Variants in FOXA1 observed in about 807,000 individuals in gnomAD.
FOXA1 encodes forkhead box A1.
A neutral mutation model predicts 29.2 loss-of-function variants in FOXA1; 9 were observed. The ratio of observed to expected loss-of-function variants is 0.31; its 90% CI spans 0.19 to 0.54. The LOEUF (loss-of-function observed/expected upper bound fraction) is 0.54, where lower values mean the gene tolerates loss of function less well. Ranked by LOEUF, FOXA1 falls within the 20% of genes least tolerant of loss-of-function variation. The probability of loss-of-function intolerance (pLI) is 0.95; values close to 1 mark genes in which losing one functional copy is unlikely to be tolerated. For missense variants in FOXA1, 644 were observed against 681.2 expected (o/e 0.95, Z 0.61); for synonymous variants, 340 against 300.9 (o/e 1.13, Z -1.34).
Position 37,592,667 on chromosome 14 carries a change from G to T in FOXA1, c.117C>A (p.Gly39=). Residue 39 remains glycine, a synonymous_variant, in exon 2 of 2, where the codon GGC becomes GGA. Transcript: ENST00000250448. The part of the protein sequence containing the change: ...VPVSNMNSGL[G]SMNSMNTYMT... Reference sequence around the variant, plus strand: ...TGTAGGTGTTCATGGAGTTCATGGAGCCCAGGCCTGAGTTCATGTTGCTGA... The same window carrying T: ...TGTAGGTGTTCATGGAGTTCATGGATCCCAGGCCTGAGTTCATGTTGCTGA... 6.2e-7 allele frequency: 1 copy of T among 1,614,118 alleles called. No individual in the cohort carries two copies. The highest frequency in any genetic ancestry group is 8.5e-7 in the Non-Finnish European group (1 of 1,180,044).
Position 37,595,057 on chromosome 14 carries a change from T to G in FOXA1, c.-85A>C, listed in dbSNP as rs1489304671. Reference sequence around the variant, plus strand: ...GCGGCGCGGGGCGGGGGAGGGGAGCTGAGCAGCTGCAGTCACCCGAGCGCC... The same window carrying G: ...GCGGCGCGGGGCGGGGGAGGGGAGCGGAGCAGCTGCAGTCACCCGAGCGCC... On this transcript the variant is annotated 5_prime_UTR_variant, in exon 1 of 2. Coordinates refer to ENST00000250448, the MANE Select transcript of FOXA1 (RefSeq NM_004496.5). The G allele has an allele frequency of 7.7e-7, 1 of 1,290,708 alleles. No homozygotes were observed. The highest frequency in any genetic ancestry group is 1.1e-6 in the Non-Finnish European group (1 of 943,674). 80.0% of individuals were successfully genotyped at this position (1,290,708 alleles called of 1,614,324 possible).
rs576255034 is a variant in FOXA1 at position 37,592,816 on chromosome 14, T to C, written c.73-105A>G. ...AACCCGGGGGCAAGTGCAGAGCACTTTGCAGAACACGGGACGCCCCCACCC... is the reference window on the plus strand; with the variant it reads ...AACCCGGGGGCAAGTGCAGAGCACTCTGCAGAACACGGGACGCCCCCACCC... On this transcript the variant is annotated intron_variant, in intron 1 of 1. Transcript: ENST00000250448. 85 of 1,422,878 alleles carry C rather than the reference T, an allele frequency of 6.0e-5. No individual in the cohort carries two copies. In the African/African-American group the frequency reaches 1.1e-3, roughly 18 times the overall value. The allele number at this position is 1,422,878 out of a possible 1,614,324, so 88.1% of individuals were successfully genotyped here.
In FOXA1 at chr14:37,591,190, A is replaced by G. The variant is rs2095595057; in HGVS notation, c.*175T>C. The G allele has an allele frequency of 1.2e-6, 1 of 839,382 alleles. No homozygotes were observed. Among genetic ancestry groups the G allele is most frequent in the Non-Finnish European group, 1.9e-6 (1 of 537,732 alleles). 52.0% of individuals were successfully genotyped at this position (839,382 alleles called of 1,614,324 possible). ...CACAATGAATTTTGAATACAATAAT[A>G]AAGTAACAGTCTTTTGCACTGGGGG... On this transcript the variant is annotated 3_prime_UTR_variant, in exon 2 of 2. Transcript: ENST00000250448.
intron 1 of FOXA1, chr14:37,594,292 A>G: frequency 8.4e-7 from 1 of 1,192,830 alleles, no homozygotes; most frequent in Non-Finnish European, 1.1e-6. Context: ...CCAAGGGGAC[A>G]ATGAAGAGAA....
At position 37,591,935 on chromosome 14, in the gene FOXA1, C is replaced by CCCGCTT. The variant is rs773567107; in HGVS notation, c.843_848dup (p.Ser282_Gly283dup). 4.0e-6 allele frequency: 6 copies of CCCGCTT among 1,500,982 alleles called. No individual in the cohort carries two copies. The highest frequency in any genetic ancestry group is 2.7e-5 in the South Asian group (2 of 74,660). The allele number at this position is 1,500,982 out of a possible 1,614,324, so 93.0% of individuals were successfully genotyped here. A position where few individuals can be genotyped will look rare whatever the true frequency, so the allele number is the denominator to read the frequency against. ...CAGGGCCGCCCTTGGCGCCGCTGCC[C>CCCGCTT]CCGCTTCCGCTCCCGCCCCCGCCGC... On this transcript the variant is annotated inframe_insertion, in exon 2 of 2. Transcript: ENST00000250448.
In FOXA1 at chr14:37,591,725, G is replaced by C; in HGVS notation, c.1059C>G (p.Ala353=). 2 of 1,578,814 alleles carry C rather than the reference G, an allele frequency of 1.3e-6. No homozygotes were observed. The highest frequency in any genetic ancestry group is 1.7e-6 in the Non-Finnish European group (2 of 1,162,524). ...TGGASELKTP[A]SSTAPPISSG... ...AGCTTATGGGGGGCGCAGTTGAGGAGGCTGGAGTCTTCAACTCCGAGGCGC... is the reference window on the plus strand; with the variant it reads ...AGCTTATGGGGGGCGCAGTTGAGGACGCTGGAGTCTTCAACTCCGAGGCGC... Residue 353 remains alanine, a synonymous_variant, in exon 2 of 2, where the codon GCC becomes GCG. Coordinates refer to ENST00000250448, the MANE Select transcript of FOXA1 (RefSeq NM_004496.5).
intron 1 of FOXA1, chr14:37,593,741 T>A (rs2095598760): frequency 6.5e-6 from 1 of 153,608 alleles, no homozygotes. Context: ...GAGCTCCTTT[T>A]AAAATCATCA....
chr14:37,592,467 G>C lies in FOXA1; in HGVS notation c.317C>G (p.Thr106Arg), dbSNP rs1227651741. 6.2e-7 allele frequency: 1 copy of C among 1,606,214 alleles called. No individual in the cohort carries two copies. The highest frequency in any genetic ancestry group is 1.3e-5 in the African/African-American group (1 of 74,900). ...MTAAGVTAMG[T>R]ALSPSGMGAM... is the part of the protein sequence containing the mutation. ...GCCCATGCCGCTCGGGCTCAGCGCCGTACCCATGGCCGTCACGCCGGCCGC... is the reference window on the plus strand; with the variant it reads ...GCCCATGCCGCTCGGGCTCAGCGCCCTACCCATGGCCGTCACGCCGGCCGC... Residue 106 changes from threonine to arginine, a missense_variant, in exon 2 of 2, where the codon ACG (threonine) becomes AGG (arginine). Physicochemically the swap from Thr to Arg is moderately conservative, Grantham distance 71 (BLOSUM62 -1). Around this residue, in one of 5 missense-constraint regions of FOXA1, gnomAD observed 309 missense variants for 307.0 expected, o/e 1.01. Coordinates refer to ENST00000250448, the MANE Select transcript of FOXA1 (RefSeq NM_004496.5).
At position 37,595,142 on chromosome 14, in the gene FOXA1, CGCGGCG is replaced by C. The variant is rs546145599; in HGVS notation, c.-176_-171del. The C allele has an allele frequency of 7.3e-5, 13 of 178,510 alleles. No individual in the cohort carries two copies. Among genetic ancestry groups the C allele is most frequent in the Non-Finnish European group, 1.1e-4 (10 of 94,446 alleles). 11.1% of individuals were successfully genotyped at this position (178,510 alleles called of 1,614,324 possible). Reference sequence around the variant, plus strand: ...GCCCAGAGCTGCGGGGCGCGGCGTGCGCGGCGGCGGCGGCGGCGCGGCGGGCGGGGG... The same window carrying C: ...GCCCAGAGCTGCGGGGCGCGGCGTGCGCGGCGGCGGCGCGGCGGGCGGGGG... On this transcript the variant is annotated 5_prime_UTR_variant, in exon 1 of 2. Transcript: ENST00000250448.
Position 37,595,062 on chromosome 14 carries a change from A to C in FOXA1, c.-90T>G. On this transcript the variant is annotated 5_prime_UTR_variant, in exon 1 of 2. Transcript: ENST00000250448. ...GCGGGGCGGGGGAGGGGAGCTGAGC[A>C]GCTGCAGTCACCCGAGCGCCCGCGC... 2 of 1,220,506 alleles carry C rather than the reference A, an allele frequency of 1.6e-6. No individual in the cohort carries two copies. The allele number at this position is 1,220,506 out of a possible 1,614,324, so 75.6% of individuals were successfully genotyped here.
rs2095594213 is a variant in FOXA1 at position 37,589,969 on chromosome 14, AT to A, written c.*1395del. 1 of 232,218 alleles carries A rather than the reference AT, an allele frequency of 4.3e-6. No homozygotes were observed. Among genetic ancestry groups the A allele is most frequent in the Non-Finnish European group, 8.5e-6 (1 of 117,474 alleles). 14.4% of individuals were successfully genotyped at this position (232,218 alleles called of 1,614,324 possible). On this transcript the variant is annotated 3_prime_UTR_variant, in exon 2 of 2. Transcript: ENST00000250448. ...TTCGGATTTAGTTAAGTGAAAAAAAATAACAGAAATGCTCTTTTGTTAACAT... is the reference window on the plus strand; with the variant it reads ...TTCGGATTTAGTTAAGTGAAAAAAAAAACAGAAATGCTCTTTTGTTAACAT...
intron 1 of FOXA1, 63 bp from the exon 2 acceptor site, chr14:37,592,774 G>A: frequency 1.3e-6 from 2 of 1,595,656 alleles, no homozygotes; most frequent in South Asian, 1.1e-5. Flanking sequence ...GCACTGGAGG[G>A]CGGCCGTCCG....
chr14:37,594,803 C>A (rs2095600479), intron 1 of FOXA1, 98 bp downstream of exon 1: 1 of 992,464 alleles, frequency 1.0e-6, no homozygotes, highest in South Asian at 2.7e-5. Flanking sequence ...GCCCCCGGCC[C>A]GCCTGCCTGC....
At position 37,594,993 on chromosome 14, in the gene FOXA1, T is replaced by C; in HGVS notation, c.-21A>G. 1 of 1,530,070 alleles carries C rather than the reference T, an allele frequency of 6.5e-7. No individual in the cohort carries two copies. The highest frequency in any genetic ancestry group is 8.9e-7 in the Non-Finnish European group (1 of 1,125,852). The allele number at this position is 1,530,070 out of a possible 1,614,324, so 94.8% of individuals were successfully genotyped here. On this transcript the variant is annotated 5_prime_UTR_variant, in exon 1 of 2. Coordinates refer to ENST00000250448, the MANE Select transcript of FOXA1 (RefSeq NM_004496.5). ...AACATCCTGGAGCCACCCTGCCCAATACAACCATCCAGCCCTGTGCGAAGC... is the reference window on the plus strand; with the variant it reads ...AACATCCTGGAGCCACCCTGCCCAACACAACCATCCAGCCCTGTGCGAAGC...
chr14:37,592,840 C>A, intron 1 of FOXA1, 129 bp from the exon 2 acceptor site: 3 of 1,162,474 alleles, frequency 2.6e-6, no homozygotes, highest in Non-Finnish European at 3.8e-6. Flanking sequence ...ACGCCCCCAC[C>A]CGGGGCAAAT....
In FOXA1 at chr14:37,591,877, G is replaced by C. The variant is rs2139181117; in HGVS notation, c.907C>G (p.Pro303Ala). 1.4e-6 allele frequency: 2 copies of C among 1,454,808 alleles called. No homozygotes were observed. Among genetic ancestry groups the C allele is most frequent in the South Asian group, 1.5e-5 (1 of 68,570 alleles). 90.1% of individuals were successfully genotyped at this position (1,454,808 alleles called of 1,614,324 possible). A position where few individuals can be genotyped will look rare whatever the true frequency, so the allele number is the denominator to read the frequency against. Reference sequence around the variant, plus strand: ...CGATGGAGGGGCGAGTCGGCGCTGGGGTTAGAGGCGCCAGAGGGGTCCTTG... The same window carrying C: ...CGATGGAGGGGCGAGTCGGCGCTGGCGTTAGAGGCGCCAGAGGGGTCCTTG... ...SRKDPSGASN[P>A]SADSPLHRGV... Residue 303 changes from proline to alanine, a missense_variant, in exon 2 of 2, where the codon CCC becomes GCC. By Grantham distance (27) the Pro-to-Ala change is conservative. This residue lies in a region of FOXA1 where 295 missense variants were observed against 294.4 expected (regional missense o/e 1.00). Coordinates refer to ENST00000250448, the MANE Select transcript of FOXA1 (RefSeq NM_004496.5).
rs1159410516 is a variant in FOXA1 at position 37,591,790 on chromosome 14, G to A, written c.994C>T (p.Pro332Ser). Residue 332 changes from proline (P) to serine (S), a missense_variant, in exon 2 of 2, where the codon CCC becomes TCC. Pro to Ser is a moderately conservative substitution (Grantham distance 74). Coordinates refer to ENST00000250448, the MANE Select transcript of FOXA1 (RefSeq NM_004496.5). Reference protein sequence around the residue: ...GAPAPGPAASPQTLDHSGATA... With the variant: ...GAPAPGPAASSQTLDHSGATA... ...GCCCCACTGTGGTCCAGAGTCTGGG[G>A]GCTGGCGGCGGGCCCGGGGGCCGGC... 4.1e-6 allele frequency: 6 copies of A among 1,470,494 alleles called. No homozygotes were observed. Among genetic ancestry groups the A allele is most frequent in the Non-Finnish European group, 4.5e-6 (5 of 1,114,554 alleles). The allele number at this position is 1,470,494 out of a possible 1,614,324, so 91.1% of individuals were successfully genotyped here.
Position 37,590,630 on chromosome 14 carries a change from A to C in FOXA1, c.*735T>G. ...GTCAAGCAACTCTTGAGAATGTATC[A>C]TGTATATCACCTATCTATTACCTCT... On this transcript the variant is annotated 3_prime_UTR_variant, in exon 2 of 2. Coordinates refer to ENST00000250448, the MANE Select transcript of FOXA1 (RefSeq NM_004496.5). The C allele has an allele frequency of 4.4e-6, 1 of 227,390 alleles. No homozygotes were observed. The highest frequency in any genetic ancestry group is 8.7e-6 in the Non-Finnish European group (1 of 114,560). 14.1% of individuals were successfully genotyped at this position (227,390 alleles called of 1,614,324 possible).
Position 37,592,459 on chromosome 14 carries a change from T to A in FOXA1, c.325A>T (p.Ser109Cys), listed in dbSNP as rs768301219. ...AGVTAMGTAL[S>C]PSGMGAMGAQ... is the part of the protein sequence containing the mutation. The stretch of plus-strand genomic sequence containing the variant: ...CCCATGGCGCCCATGCCGCTCGGGC[T>A]CAGCGCCGTACCCATGGCCGTCACG... Residue 109 changes from serine (S) to cysteine (C), a missense_variant, in exon 2 of 2, where the codon AGC (serine) becomes TGC (cysteine). Physicochemically the swap from Ser to Cys is moderately radical, Grantham distance 112 (BLOSUM62 -1). Around this residue, in one of 5 missense-constraint regions of FOXA1, gnomAD observed 309 missense variants for 307.0 expected, o/e 1.01. Transcript: ENST00000250448. 1 of 1,605,242 alleles carries A rather than the reference T, an allele frequency of 6.2e-7. No individual in the cohort carries two copies.
Sources: allele counts gnomAD v4.1 joint callset, GRCh38; gene constraint gnomAD v4.1.1; regional missense constraint gnomAD v4.1.1; transcripts MANE v1.5; gene names NCBI Gene and HGNC (gene_info 2026-07-23, HGNC 2026-07-21).